The following SIPA1L3 variants were observed in gnomAD, a reference collection of about 807,000 sequenced individuals.
The protein encoded by SIPA1L3 is signal-induced proliferation-associated 1-like protein 3.
SIPA1L3 carries 59 observed loss-of-function variants against 150.1 expected under a neutral mutation model. That is an observed-to-expected ratio of 0.39 (90% CI 0.32 to 0.49). The LOEUF is 0.49. Ranked by LOEUF, SIPA1L3 falls within the 20% of genes least tolerant of loss-of-function variation. SIPA1L3 has a pLI of 0.86. For missense variants in SIPA1L3, 2,211 were observed against 2,489.5 expected (o/e 0.89, Z 2.38); for synonymous variants, 1,070 against 1,077.6 (o/e 0.99, Z 0.14).
intron 1 of SIPA1L3, among the ~76,000 whole-genome samples, chr19:38,013,595 T>G (rs1325823742): frequency 6.6e-6 from 1 of 152,248 alleles, no homozygotes; most frequent in Non-Finnish European, 1.5e-5. Context: ...ATATGTGCAG[T>G]TCTGCACCTT....
At chr19:38,007,842 T>C (rs529531789) in intron 1 of SIPA1L3, among the ~76,000 whole-genome samples, 1 of 152,274 alleles carries the variant, frequency 6.6e-6, no homozygotes, top group South Asian at 2.1e-4. Flanking sequence ...GCACCCTGTC[T>C]AAAATGGCCC....
intron 16 of SIPA1L3, among the ~76,000 whole-genome samples, chr19:38,188,920 C>CAA (rs57796150): frequency 7.8e-6 from 1 of 128,336 alleles, no homozygotes; most frequent in East Asian, 2.4e-4. Context: ...GACTCCGTCT[C>CAA]AAAAAAAAAA....
intron 6 of SIPA1L3, among the ~76,000 whole-genome samples, chr19:38,103,520 T>C (rs1437427655): frequency 1.3e-5 from 2 of 150,850 alleles, no homozygotes; most frequent in East Asian, 2.0e-4. Flanking sequence ...CTCAGCTACT[T>C]GGGAAGCTGA....
At chr19:37,921,046 C>A (rs777971257) in intron 1 of SIPA1L3, among the ~76,000 whole-genome samples, 5 of 152,204 alleles carry the variant, frequency 3.3e-5, no homozygotes, top group Non-Finnish European at 7.3e-5. Context: ...TTTGTTGAGG[C>A]CCCACACGAA....
chr19:38,018,454 G>A (rs970092988), intron 1 of SIPA1L3, among the ~76,000 whole-genome samples: 5 of 152,088 alleles, frequency 3.3e-5, no homozygotes, highest in East Asian at 3.9e-4. Flanking sequence ...ACCCAGCCAC[G>A]AATTTACTTT....
At chr19:38,141,535 C>T (rs1008230147) in intron 11 of SIPA1L3, 100 bp downstream of exon 11, 36 of 1,283,198 alleles carry the variant, frequency 2.8e-5, no homozygotes, top group Admixed American at 4.3e-5. Flanking sequence ...TCCTCTTCCT[C>T]GCCTCAAGCT....
At chr19:37,985,173 T>C (rs1052795075) in intron 1 of SIPA1L3, among the ~76,000 whole-genome samples, 1 of 151,996 alleles carries the variant, frequency 6.6e-6, no homozygotes, top group Non-Finnish European at 1.5e-5. Context: ...AGCAAGATTC[T>C]ATCTCTTAAA....
intron 3 of SIPA1L3, among the ~76,000 whole-genome samples, chr19:38,088,095 G>A (rs557798244): frequency 6.0e-4 from 91 of 152,348 alleles, no homozygotes; most frequent in African/African-American, 1.9e-3. Flanking sequence ...GGCCCCTATC[G>A]TGGTCCCTGA....
chr19:38,093,388 A>AAAGATGCTCGTGAGAC (rs1970305016), intron 4 of SIPA1L3, among the ~76,000 whole-genome samples: 1 of 152,072 alleles, frequency 6.6e-6, no homozygotes, highest in African/African-American at 2.4e-5. Flanking sequence ...CCTTGGGCAC[A>AAAGATGCTCGTGAGAC]TGGCTCCTTT....
chr19:38,038,820 G>A (rs1231506028), intron 2 of SIPA1L3, among the ~76,000 whole-genome samples: 1 of 152,060 alleles, frequency 6.6e-6, no homozygotes, highest in Non-Finnish European at 1.5e-5. Context: ...GACCAATTCA[G>A]TTAGAGTTAC....
intron 1 of SIPA1L3, among the ~76,000 whole-genome samples, chr19:37,979,390 A>G (rs1439026389): frequency 6.6e-6 from 1 of 151,640 alleles, no homozygotes; most frequent in Non-Finnish European, 1.5e-5. Flanking sequence ...CTCTACTAAA[A>G]AAAAAAAAAT....
At position 38,083,146 on chromosome 19, in the gene SIPA1L3, C is replaced by T. The variant is rs775437662; in HGVS notation, c.1534+47C>T. On this transcript the variant is annotated intron_variant, in intron 3 of 21. Coordinates refer to ENST00000222345, the MANE Select transcript of SIPA1L3 (RefSeq NM_015073.3). ...GGAAGGTTGGGTGGGCCGAGGCTTG[C>T]CTCCGAGACCCCCACTACTCATTCA... The T allele has an allele frequency of 1.1e-5, 16 of 1,508,230 alleles. No individual in the cohort carries two copies. The African/African-American group carries it at 1.8e-4, about 17-fold the overall frequency. 93.4% of individuals were successfully genotyped at this position (1,508,230 alleles called of 1,614,324 possible). A position where few individuals can be genotyped will look rare whatever the true frequency, so the allele number is the denominator to read the frequency against.
At position 38,182,740 on chromosome 19, in the gene SIPA1L3, A is replaced by G. The variant is rs1352996274; in HGVS notation, c.4430A>G (p.Lys1477Arg). 7 of 1,610,180 alleles carry G rather than the reference A, an allele frequency of 4.3e-6. No homozygotes were observed. In the East Asian group the frequency reaches 1.6e-4, roughly 36 times the overall value. Residue 1477 changes from lysine (K) to arginine (R), a missense_variant and splice_region_variant, in exon 16 of 22, where the codon AAG (lysine) becomes AGG (arginine). Lys to Arg is a conservative substitution (Grantham distance 26). This residue lies in a region of SIPA1L3 where 806 missense variants were observed against 870.1 expected (regional missense o/e 0.93). Transcript: ENST00000222345. Reference protein sequence around the residue: ...PRPLPFSDPKKQVDTNTKNVF... With the variant: ...PRPLPFSDPKRQVDTNTKNVF... ...CCACTCCCCTTCAGTGACCCAAAGAAGTAAGTGCCTGGACGTCCAGCGAGG... is the reference window on the plus strand; with the variant it reads ...CCACTCCCCTTCAGTGACCCAAAGAGGTAAGTGCCTGGACGTCCAGCGAGG...
At chr19:38,199,595 C>T (rs1279058331) in intron 19 of SIPA1L3, among the ~76,000 whole-genome samples, 1 of 151,904 alleles carries the variant, frequency 6.6e-6, no homozygotes, top group Non-Finnish European at 1.5e-5. Flanking sequence ...AGATGAAACA[C>T]AGAAGGTTAC....
chr19:37,974,915 C>T (rs1470913298), intron 1 of SIPA1L3, among the ~76,000 whole-genome samples: 1 of 152,274 alleles, frequency 6.6e-6, no homozygotes, highest in Non-Finnish European at 1.5e-5. Context: ...TGGTGGCTCA[C>T]GCCTTTAATC....
At chr19:38,004,616 G>GT (rs1382421223) in intron 1 of SIPA1L3, among the ~76,000 whole-genome samples, 4 of 152,194 alleles carry the variant, frequency 2.6e-5, no homozygotes, top group African/African-American at 2.4e-5. Flanking sequence ...GAAAAAGAAG[G>GT]TATCTGTCCC....
chr19:38,102,862 T>C (rs1237169983), intron 6 of SIPA1L3, among the ~76,000 whole-genome samples: 4 of 151,974 alleles, frequency 2.6e-5, no homozygotes, highest in Non-Finnish European at 5.9e-5. Context: ...TGGTGGCTCA[T>C]GCCTGTAATC....
At chr19:37,929,400 C>A (rs546298799) in intron 1 of SIPA1L3, among the ~76,000 whole-genome samples, 19 of 152,244 alleles carry the variant, frequency 1.2e-4, no homozygotes, top group Non-Finnish European at 4.4e-5. Flanking sequence ...ATCGTGCTTA[C>A]CAGCTTTGTT....
At chr19:38,129,155 G>T (rs990079303) in intron 9 of SIPA1L3, among the ~76,000 whole-genome samples, 3 of 152,150 alleles carry the variant, frequency 2.0e-5, no homozygotes, top group Admixed American at 2.0e-4. Context: ...CATGCTGGGG[G>T]GAGGGGGCAG....
Sources: allele counts gnomAD v4.1 joint callset (sites outside exome capture counted in the v4.1 genomes callset), GRCh38; gene constraint gnomAD v4.1.1; regional missense constraint gnomAD v4.1.1; transcripts MANE v1.5; gene names NCBI Gene and HGNC (gene_info 2026-07-23, HGNC 2026-07-21).